Variants in DOK5 observed in about 807,000 individuals in gnomAD.
DOK5 encodes downstream of tyrosine kinase 5.
In DOK5, 27 loss-of-function variants were observed where a neutral mutation model predicts 43.3. The ratio of observed to expected loss-of-function variants is 0.62; its 90% confidence interval spans 0.46 to 0.86. DOK5 has a LOEUF of 0.86. Among genes scored for constraint, DOK5 ranks in the 40% least tolerant of loss-of-function variants. DOK5 has a pLI of 0.00. For missense variants in DOK5, 373 were observed against 392.9 expected, an observed-to-expected ratio of 0.95 and a Z score of 0.43; for synonymous variants, 146 against 140.1, an observed-to-expected ratio of 1.04 and a Z score of -0.30.
chr20:54,630,375 G>T (rs1218751519), intron 6 of DOK5, among the ~76,000 whole-genome samples: 1 of 152,176 alleles, frequency 6.6e-6, no homozygotes, highest in African/African-American at 2.4e-5. Flanking sequence ...CATGTAGAAT[G>T]GAGGAAACCT....
chr20:54,475,760 A>T lies in DOK5; in HGVS notation c.-187A>T. ...GAAAGTGGCTGCAAGCCGGCCGCCC[A>T]CTGTCAGGGTTGGGGGGACAGAGAA... On this transcript the variant is annotated 5_prime_UTR_variant, in exon 1 of 8. Coordinates refer to ENST00000262593, the MANE Select transcript of DOK5 (RefSeq NM_018431.5). The surrounding 1 kb of genome is among the most constrained non-coding windows in gnomAD (Gnocchi z 4.2). 1 of 708,758 alleles carries T rather than the reference A, an allele frequency of 1.4e-6. No individual in the cohort carries two copies. Among genetic ancestry groups the T allele is most frequent in the Non-Finnish European group, 2.3e-6 (1 of 440,360 alleles). The allele number at this position is 708,758 out of a possible 1,614,324, so 43.9% of individuals were successfully genotyped here.
intron 1 of DOK5, 94 bp downstream of exon 1, chr20:54,476,106 C>G (rs1209501371): frequency 1.9e-6 from 3 of 1,572,508 alleles, no homozygotes; most frequent in African/African-American, 2.7e-5. Context: ...AGTCCCCGGC[C>G]GCGCGCCGGA....
At chr20:54,592,427 G>A (rs1986004526) in intron 5 of DOK5, among the ~76,000 whole-genome samples, 1 of 152,100 alleles carries the variant, frequency 6.6e-6, no homozygotes, top group Admixed American at 6.5e-5. Context: ...AACCAAGCCA[G>A]TAGTATATGG....
chr20:54,509,280 T>G (rs1982930519), intron 1 of DOK5, among the ~76,000 whole-genome samples: 1 of 152,234 alleles, frequency 6.6e-6, no homozygotes, highest in Admixed American at 6.5e-5. Flanking sequence ...AGCCTTAAAC[T>G]GCTGGGCTCC....
intron 2 of DOK5, among the ~76,000 whole-genome samples, chr20:54,561,058 G>A (rs1025911953): frequency 6.6e-6 from 1 of 152,094 alleles, no homozygotes; most frequent in African/African-American, 2.4e-5. Context: ...CCATCACCAG[G>A]TTTGCATGCA....
At chr20:54,511,695 G>A (rs1983020041) in intron 1 of DOK5, among the ~76,000 whole-genome samples, 1 of 152,188 alleles carries the variant, frequency 6.6e-6, no homozygotes, top group South Asian at 2.1e-4. Flanking sequence ...CACCTGACTT[G>A]AGGAATGGCT....
intron 6 of DOK5, among the ~76,000 whole-genome samples, chr20:54,625,164 G>T (rs115966313): frequency 0.012 from 1,853 of 152,304 alleles, 41 homozygotes; most frequent in African/African-American, 0.042. Flanking sequence ...AGTAAAGACA[G>T]CTCTTTGGGT....
At chr20:54,484,855 A>C (rs1033779986) in intron 1 of DOK5, among the ~76,000 whole-genome samples, 1 of 152,200 alleles carries the variant, frequency 6.6e-6, no homozygotes, top group Non-Finnish European at 1.5e-5. Flanking sequence ...TCTACAAAAA[A>C]TAAAAATAGA....
intron 6 of DOK5, among the ~76,000 whole-genome samples, chr20:54,611,445 C>T (rs1029526960): frequency 9.9e-5 from 15 of 151,968 alleles, no homozygotes; most frequent in African/African-American, 3.4e-4. Context: ...ACTGTAGTTC[C>T]GGCTACTCAA....
At chr20:54,649,283 G>A (rs2055986409) in intron 7 of DOK5, among the ~76,000 whole-genome samples, 1 of 152,160 alleles carries the variant, frequency 6.6e-6, no homozygotes, top group South Asian at 2.1e-4. Context: ...TTAGTCACGT[G>A]TGGTGGCACA....
chr20:54,581,456 G>A (rs1985636722), intron 2 of DOK5, among the ~76,000 whole-genome samples: 1 of 149,614 alleles, frequency 6.7e-6, no homozygotes, highest in African/African-American at 2.4e-5. Context: ...ATTTTAGATT[G>A]TATGTTAAGT....
chr20:54,618,272 T>C (rs968724531), intron 6 of DOK5, among the ~76,000 whole-genome samples: 1 of 152,162 alleles, frequency 6.6e-6, no homozygotes, highest in African/African-American at 2.4e-5. Context: ...CTGGCCATGA[T>C]GCCTCACTCC....
intron 1 of DOK5, chr20:54,495,261 G>T (rs1195159058): frequency 6.6e-6 from 1 of 152,182 alleles, no homozygotes; most frequent in Non-Finnish European, 1.5e-5. Flanking sequence ...GTGCCTTAAA[G>T]AAATGTTACT....
At chr20:54,605,784 C>T (rs529475817) in intron 5 of DOK5, among the ~76,000 whole-genome samples, 2 of 152,148 alleles carry the variant, frequency 1.3e-5, no homozygotes, top group Admixed American at 6.5e-5. Flanking sequence ...GGAAAAGCTG[C>T]GAGTATATCA....
chr20:54,588,163 G>A (rs118147955), intron 2 of DOK5, among the ~76,000 whole-genome samples: 172 of 152,094 alleles, frequency 1.1e-3, no homozygotes, highest in South Asian at 5.0e-3. Context: ...TTGGTCAAGT[G>A]GAGTCTTTGG....
intron 2 of DOK5, among the ~76,000 whole-genome samples, chr20:54,574,833 A>G (rs1985403150): frequency 6.6e-6 from 1 of 152,182 alleles, no homozygotes; most frequent in South Asian, 2.1e-4. Context: ...AATGGTTGGG[A>G]AACAGTATAG....
chr20:54,566,112 C>T (rs1243199822), intron 2 of DOK5, among the ~76,000 whole-genome samples: 1 of 151,334 alleles, frequency 6.6e-6, no homozygotes, highest in Non-Finnish European at 1.5e-5. Context: ...CACCCCACCA[C>T]CCCAGCAGGC....
At chr20:54,642,875 T>A (rs1335773930) in intron 6 of DOK5, among the ~76,000 whole-genome samples, 1 of 152,222 alleles carries the variant, frequency 6.6e-6, no homozygotes, top group African/African-American at 2.4e-5. Flanking sequence ...TTCTTGGCTG[T>A]CTTCTTCTGA....
chr20:54,506,718 C>T (rs1982819319), intron 1 of DOK5, among the ~76,000 whole-genome samples: 1 of 152,194 alleles, frequency 6.6e-6, no homozygotes, highest in Admixed American at 6.5e-5. Context: ...TCCTTGGCCT[C>T]TCAAAGTGCT....
Sources: gnomAD v4.1 joint callset for allele counts (sites outside exome capture counted in the v4.1 genomes callset) on GRCh38, gnomAD v4.1.1 for gene constraint, Gnocchi (gnomAD v3.1) non-coding constraint, MANE v1.5 for transcripts, NCBI Gene and HGNC (gene_info 2026-07-23, HGNC 2026-07-21) for gene names.